The following DIABLO variants were observed in gnomAD, a reference collection of about 807,000 sequenced individuals.
The protein encoded by DIABLO is diablo IAP-binding mitochondrial protein, also known as diablo homolog, mitochondrial.
DIABLO carries 32 observed loss-of-function variants against 31.7 expected under a neutral mutation model. The ratio of observed to expected loss-of-function variants is 1.01; its 90% CI spans 0.76 to 1.35. The LOEUF (loss-of-function observed/expected upper bound fraction) is 1.35. Among genes scored for constraint, DIABLO ranks in the 40% most tolerant of loss-of-function variants. The probability of loss-of-function intolerance (pLI) is 0.00; values close to 1 mark genes in which losing one functional copy is unlikely to be tolerated. For missense variants in DIABLO, 316 were observed against 286.4 expected (o/e 1.10, Z -0.75); for synonymous variants, 132 against 103.2 (o/e 1.28, Z -1.69).
intron 1 of DIABLO, chr12:122,225,451 G>A (rs1020973181): frequency 3.0e-6 from 3 of 1,002,402 alleles, no homozygotes; most frequent in African/African-American, 1.7e-5. Context: ...CACAATAACC[G>A]CTCCTGCAGG....
At chr12:122,210,403 T>C (rs981494446) in intron 5 of DIABLO, among the ~76,000 whole-genome samples, 1 of 134,562 alleles carries the variant, frequency 7.4e-6, no homozygotes, top group Non-Finnish European at 1.5e-5. Context: ...AGATGGAGTC[T>C]CACTTATCAC....
chr12:122,209,620 G>C, intron 5 of DIABLO: 1 of 620,336 alleles, frequency 1.6e-6, no homozygotes, highest in Admixed American at 2.5e-5. Context: ...AGCTGAGATC[G>C]CGCCACTTCA....
chr12:122,210,587 GC>G (rs1468032136), intron 5 of DIABLO, among the ~76,000 whole-genome samples: 3 of 150,580 alleles, frequency 2.0e-5, no homozygotes, highest in Non-Finnish European at 4.4e-5. Flanking sequence ...CACCACGTTA[GC>G]CAGGATGGTC....
At chr12:122,223,893 T>C (rs980692142) in intron 2 of DIABLO, among the ~76,000 whole-genome samples, 1 of 152,188 alleles carries the variant, frequency 6.6e-6, no homozygotes, top group Non-Finnish European at 1.5e-5. Flanking sequence ...CTCAAACTCC[T>C]GGGCTCAAGT....
chr12:122,211,670 G>A (rs1954091682), intron 5 of DIABLO, among the ~76,000 whole-genome samples: 1 of 152,166 alleles, frequency 6.6e-6, no homozygotes, highest in African/African-American at 2.4e-5. Context: ...AACAGAGCAA[G>A]ACCCTGTCTC....
At chr12:122,218,471 A>C in intron 2 of DIABLO, 74 bp from the exon 3 acceptor site, 1 of 1,594,576 alleles carries the variant, frequency 6.3e-7, no homozygotes, top group East Asian at 2.2e-5. Context: ...GGCAAGCAAA[A>C]AACGTAATTG....
chr12:122,220,278 A>C (rs2136102454), intron 2 of DIABLO, among the ~76,000 whole-genome samples: 1 of 152,218 alleles, frequency 6.6e-6, no homozygotes, highest in African/African-American at 2.4e-5. Flanking sequence ...GGAAAGACTA[A>C]TATAATTACC....
In DIABLO at chr12:122,208,452, G is replaced by A. The variant is rs773655643; in HGVS notation, c.649C>T (p.Arg217Cys). 8.1e-6 allele frequency: 13 copies of A among 1,613,930 alleles called. No homozygotes were observed. The highest frequency in any genetic ancestry group is 2.2e-5 in the East Asian group (1 of 44,892). Reference sequence around the variant, plus strand: ...TCCCCTTCCTCCTGTGTTTTCTGACGGAGCTCTTCTATCTGTGCTTCTGCC... The same window carrying A: ...TCCCCTTCCTCCTGTGTTTTCTGACAGAGCTCTTCTATCTGTGCTTCTGCC... ...KLAEAQIEEL[R>C]QKTQEEGEER... Residue 217 changes from arginine (R) to cysteine (C), a missense_variant, in exon 6 of 6, where the codon CGT (arginine) becomes TGT (cysteine). Physicochemically the swap from Arg to Cys is radical, Grantham distance 180. Coordinates refer to ENST00000464942, the MANE Select transcript of DIABLO (RefSeq NM_001371333.1).
In DIABLO at chr12:122,208,575, C is replaced by T. The variant is rs766195715; in HGVS notation, c.526G>A (p.Ala176Thr). Reference protein sequence around the residue: ...MAAEAAYQTGADQASITARNH... With the variant: ...MAAEAAYQTGTDQASITARNH... ...CTGGCGGTTATAGAGGCCTGATCTG[C>T]GCCTGCCAAAAGATGGGACAATCGG... Residue 176 changes from alanine to threonine, a missense_variant and splice_region_variant, in exon 6 of 6, where the codon GCA (alanine) becomes ACA (threonine). Transcript: ENST00000464942. 5.0e-6 allele frequency: 8 copies of T among 1,612,012 alleles called. No individual in the cohort carries two copies. The highest frequency in any genetic ancestry group is 2.7e-5 in the African/African-American group (2 of 74,898).
At chr12:122,223,206 G>A (rs1025831784) in intron 2 of DIABLO, among the ~76,000 whole-genome samples, 94 of 152,156 alleles carry the variant, frequency 6.2e-4, no homozygotes, top group African/African-American at 2.2e-3. Flanking sequence ...ATGCCGAGGC[G>A]TGTGGATCGC....
At position 122,216,871 on chromosome 12, in the gene DIABLO, T is replaced by C. The variant is rs1217485648; in HGVS notation, c.316-2A>G. On this transcript the variant is annotated splice_acceptor_variant, in intron 3 of 5. Transcript: ENST00000464942. LOFTEE classifies it high-confidence loss of function. ...AAGAGAAGTTAAGGTATAAACAGCC[T>C]ACAAATAGAGAATGAACAAGTCTGA... 1 of 1,608,686 alleles carries C rather than the reference T, an allele frequency of 6.2e-7. No individual in the cohort carries two copies.
chr12:122,226,828 C>A (rs1284074483), upstream of DIABLO, among the ~76,000 whole-genome samples: 1 of 152,278 alleles, frequency 6.6e-6, no homozygotes, highest in African/African-American at 2.4e-5. Context: ...CGCCCCGCAG[C>A]TGCATGAGTT....
intron 3 of DIABLO, 173 bp from the exon 4 acceptor site, chr12:122,217,042 G>GTATC: frequency 1.7e-6 from 1 of 601,972 alleles, no homozygotes; most frequent in South Asian, 1.8e-5. Flanking sequence ...CAGGACATTA[G>GTATC]TATCTCCATC....
At chr12:122,226,415 GC>G (rs1467687690), upstream of DIABLO, 8 of 691,128 alleles carry the variant, frequency 1.2e-5, no homozygotes, top group African/African-American at 1.3e-4. Flanking sequence ...GGGGCCGGGC[GC>G]GGCGACGGCG....
At position 122,208,168 on chromosome 12, in the gene DIABLO, A is replaced by G; in HGVS notation, c.*213T>C. ...TACAGAGTGGGGTGAAATGTTAAACAGGGTGCAGTGCCCAAGGGCTAAGAA... is the reference window on the plus strand; with the variant it reads ...TACAGAGTGGGGTGAAATGTTAAACGGGGTGCAGTGCCCAAGGGCTAAGAA... On this transcript the variant is annotated 3_prime_UTR_variant, in exon 6 of 6. Coordinates refer to ENST00000464942, the MANE Select transcript of DIABLO (RefSeq NM_001371333.1). The G allele has an allele frequency of 1.4e-6, 1 of 703,702 alleles. No homozygotes were observed. Among genetic ancestry groups the G allele is most frequent in the South Asian group, 1.5e-5 (1 of 66,824 alleles). 43.6% of individuals were successfully genotyped at this position (703,702 alleles called of 1,614,324 possible).
At chr12:122,225,654 C>T (rs915517433) in intron 1 of DIABLO, 5 of 1,342,972 alleles carry the variant, frequency 3.7e-6, no homozygotes, top group Non-Finnish European at 4.8e-6. Flanking sequence ...CTCCTCCTCT[C>T]CACGTCTCCT....
At chr12:122,209,657 G>A (rs111384806) in intron 5 of DIABLO, 26 of 677,474 alleles carry the variant, frequency 3.8e-5, no homozygotes, top group East Asian at 2.2e-4. Flanking sequence ...AGTGAAACTC[G>A]TCTCCCCCCC....
At chr12:122,221,685 AT>A (rs1312967034) in intron 2 of DIABLO, 1 of 152,322 alleles carries the variant, frequency 6.6e-6, no homozygotes, top group East Asian at 1.9e-4. Context: ...AGAGAGAGCC[AT>A]CGTGCCTAGC....
chr12:122,220,835 G>T (rs748515996), intron 2 of DIABLO: 1 of 152,092 alleles, frequency 6.6e-6, no homozygotes, highest in Non-Finnish European at 1.5e-5. Flanking sequence ...TATTCATTAG[G>T]CATCTTATAC....
Sources: gnomAD v4.1 joint callset for allele counts (sites outside exome capture counted in the v4.1 genomes callset) on GRCh38, gnomAD v4.1.1 for gene constraint, MANE v1.5 for transcripts, NCBI Gene and HGNC (gene_info 2026-07-23, HGNC 2026-07-21) for gene names.